The following FOXP2 variants were observed in gnomAD, a reference collection of about 807,000 sequenced individuals.
The protein encoded by FOXP2 is forkhead box protein P2.
In FOXP2, 12 loss-of-function variants were observed where a neutral mutation model predicts 115.8. The observed-to-expected ratio is 0.10, with a 90% CI of 0.07 to 0.17. The LOEUF is 0.17. Among genes scored for constraint, FOXP2 ranks in the 10% least tolerant of loss-of-function variants. The probability of loss-of-function intolerance (pLI) is 1.00; values close to 1 mark genes in which losing one functional copy is unlikely to be tolerated. For missense variants in FOXP2, 629 were observed against 843.5 expected, an observed-to-expected ratio of 0.75 and a Z score of 3.15; for synonymous variants, 328 against 297.7, an observed-to-expected ratio of 1.10 and a Z score of -1.05.
At chr7:114,547,492 T>C (rs1799984913) in intron 3 of FOXP2, among the ~76,000 whole-genome samples, 1 of 152,156 alleles carries the variant, frequency 6.6e-6, no homozygotes, top group African/African-American at 2.4e-5. Context: ...GCGCTGTGGC[T>C]CACGCCTGTA....
At chr7:114,449,397 A>G (rs1794971480) in intron 2 of FOXP2, among the ~76,000 whole-genome samples, 1 of 152,132 alleles carries the variant, frequency 6.6e-6, no homozygotes, top group Non-Finnish European at 1.5e-5. Context: ...CTTCACAATT[A>G]TATTTAAATG....
upstream of FOXP2, among the ~76,000 whole-genome samples, chr7:114,087,518 C>T (rs1799444095): frequency 6.6e-6 from 1 of 151,894 alleles, no homozygotes. Flanking sequence ...ATAGGGAGGG[C>T]TTCTCACTTG....
chr7:114,225,461 TA>T (rs1057509120), intron 1 of FOXP2, among the ~76,000 whole-genome samples: 10 of 152,124 alleles, frequency 6.6e-5, no homozygotes, highest in African/African-American at 1.9e-4. Context: ...TTTTTCTTTT[TA>T]GAGGCAGGGT....
At chr7:114,599,488 G>A (rs186760891) in intron 3 of FOXP2, among the ~76,000 whole-genome samples, 16 of 152,100 alleles carry the variant, frequency 1.1e-4, no homozygotes, top group Admixed American at 6.6e-4. Flanking sequence ...TTGTGGGGAC[G>A]TTTCTAAATC....
rs544110350 is a variant in FOXP2, at chr7:114,141,352, G to A, written c.-246-21592G>A. Among the ~76,000 whole-genome samples, 10 of 152,276 alleles carry A rather than the reference G, an allele frequency of 6.6e-5. No individual in the cohort carries two copies. The South Asian group carries it at 2.1e-3, about 32-fold the overall frequency. ...GTAAAATGCTTTATATAACAACAGA[G>A]AAACAGAGTATTACAAGAAACTCTT... is the stretch of plus-strand genomic sequence containing the variant. On this transcript the variant is annotated intron_variant, in intron 1 of 19. Transcript: ENST00000635638.
intron 2 of FOXP2, among the ~76,000 whole-genome samples, chr7:114,497,419 A>G (rs1797368785): frequency 6.6e-6 from 1 of 152,126 alleles, no homozygotes; most frequent in Non-Finnish European, 1.5e-5. Flanking sequence ...AGGCCGAGGC[A>G]CCAGGATCAC....
chr7:114,169,700 G>A (rs1408011666), intron 1 of FOXP2, among the ~76,000 whole-genome samples: 1 of 147,768 alleles, frequency 6.8e-6, no homozygotes, highest in Non-Finnish European at 1.5e-5. Flanking sequence ...GGAGGGGTCA[G>A]GGCTGGAATG....
chr7:114,677,749 A>G (rs2129348497), intron 16 of FOXP2, among the ~76,000 whole-genome samples: 1 of 152,328 alleles, frequency 6.6e-6, no homozygotes, highest in East Asian at 1.9e-4. Flanking sequence ...TGTTTTTGGA[A>G]TATACCATTA....
chr7:114,200,906 G>A (rs1794043978), intron 1 of FOXP2, among the ~76,000 whole-genome samples: 2 of 152,176 alleles, frequency 1.3e-5, no homozygotes, highest in Non-Finnish European at 1.5e-5. Flanking sequence ...CGTAATCCCA[G>A]CACTTTGGGA....
At position 114,633,653 on chromosome 7, in the gene FOXP2, C is replaced by T. The variant is rs1319593794; in HGVS notation, c.775+1948C>T. Among the ~76,000 whole-genome samples, 4 of 152,000 alleles carry T rather than the reference C, an allele frequency of 2.6e-5. No individual in the cohort carries two copies. The East Asian group carries it at 5.8e-4, about 22-fold the overall frequency. On this transcript the variant is annotated intron_variant, in intron 6 of 16. Transcript: ENST00000350908. ...ACCGGCATCATTGTCTTGTTTTTTACGATTTAGATGATTAAGTGTGAAAAA... is the reference window on the plus strand; with the variant it reads ...ACCGGCATCATTGTCTTGTTTTTTATGATTTAGATGATTAAGTGTGAAAAA...
chr7:114,247,239 A>G (rs1354696316), intron 1 of FOXP2, among the ~76,000 whole-genome samples: 1 of 152,194 alleles, frequency 6.6e-6, no homozygotes, highest in African/African-American at 2.4e-5. Flanking sequence ...CTATGAATAT[A>G]TTCCAGAAAT....
At chr7:114,103,877 A>G (rs1791047980) in intron 1 of FOXP2, among the ~76,000 whole-genome samples, 1 of 152,034 alleles carries the variant, frequency 6.6e-6, no homozygotes, top group Non-Finnish European at 1.5e-5. Flanking sequence ...CATAATAGCC[A>G]TTCCTTCAAT....
chr7:114,526,666 A>G (rs1424363232), intron 2 of FOXP2, among the ~76,000 whole-genome samples: 1 of 152,144 alleles, frequency 6.6e-6, no homozygotes, highest in African/African-American at 2.4e-5. Context: ...GATATCTGAT[A>G]GGTCACATAC....
chr7:114,506,351 C>A (rs1797817554), intron 2 of FOXP2, among the ~76,000 whole-genome samples: 1 of 151,474 alleles, frequency 6.6e-6, no homozygotes, highest in Non-Finnish European at 1.5e-5. Context: ...TCTTGCAACT[C>A]CAAAATGTCT....
intron 1 of FOXP2, among the ~76,000 whole-genome samples, chr7:114,128,549 A>T (rs979346339): frequency 1.3e-4 from 19 of 150,964 alleles, no homozygotes; most frequent in African/African-American, 4.6e-4. Context: ...TTATTCTTCT[A>T]TTTAGTTCTG....
At chr7:114,461,459 T>G (rs1199010900) in intron 2 of FOXP2, among the ~76,000 whole-genome samples, 1 of 152,156 alleles carries the variant, frequency 6.6e-6, no homozygotes, top group Non-Finnish European at 1.5e-5. Flanking sequence ...ATATGTGTTA[T>G]TTTTCTGAGG....
At chr7:114,636,624 CT>C (rs34522461) in intron 6 of FOXP2, among the ~76,000 whole-genome samples, 72,870 of 140,338 alleles carry the variant, frequency 0.52, 18,518 homozygotes, top group East Asian at 0.73. Flanking sequence ...TTGAAAAAAT[CT>C]TTTTTTTTTT....
intron 1 of FOXP2, among the ~76,000 whole-genome samples, chr7:114,103,204 A>G (rs1439390523): frequency 6.6e-6 from 1 of 151,936 alleles, no homozygotes; most frequent in Non-Finnish European, 1.5e-5. Context: ...ATCCAGAGGT[A>G]TTTCTGTGTT....
chr7:114,148,300 A>C (rs1792433199), intron 1 of FOXP2, among the ~76,000 whole-genome samples: 1 of 152,106 alleles, frequency 6.6e-6, no homozygotes, highest in Non-Finnish European at 1.5e-5. Flanking sequence ...AATATTGGTA[A>C]ATTTGCTTTA....
Sources: allele counts gnomAD v4.1 joint callset (sites outside exome capture counted in the v4.1 genomes callset), GRCh38; gene constraint gnomAD v4.1.1; transcripts MANE v1.5; gene names NCBI Gene and HGNC (gene_info 2026-07-23, HGNC 2026-07-21).